Variants in CLOCK observed in about 807,000 individuals in gnomAD.
CLOCK encodes the protein circadian locomoter output cycles protein kaput.
In CLOCK, 43 loss-of-function variants were observed where a neutral mutation model predicts 118.4. The ratio of observed to expected loss-of-function variants is 0.36; its 90% CI spans 0.28 to 0.47. The LOEUF is 0.47. Among genes scored for constraint, CLOCK ranks in the 20% least tolerant of loss-of-function variants. The pLI, the probability that CLOCK is intolerant of heterozygous loss-of-function variation, is 1.00. For missense variants in CLOCK, 846 were observed against 999.9 expected (o/e 0.85, Z 2.08); for synonymous variants, 326 against 339.2 (o/e 0.96, Z 0.43).
intron 2 of CLOCK, among the ~76,000 whole-genome samples, chr4:55,505,151 A>AC (rs1268439100): frequency 2.7e-5 from 3 of 110,122 alleles, no homozygotes; most frequent in African/African-American, 5.8e-5. Flanking sequence ...TGTCCCCCTC[A>AC]CCCCCCCACC....
chr4:55,516,849 T>C (rs1041915518), intron 1 of CLOCK, among the ~76,000 whole-genome samples: 1 of 152,174 alleles, frequency 6.6e-6, no homozygotes, highest in African/African-American at 2.4e-5. Flanking sequence ...TGCTTTTTTG[T>C]TTTACTTTTT....
intron 1 of CLOCK, among the ~76,000 whole-genome samples, chr4:55,517,367 G>A (rs183332921): frequency 1.3e-5 from 2 of 152,066 alleles, no homozygotes; most frequent in East Asian, 1.9e-4. Flanking sequence ...AAAATTAGCC[G>A]GGTGTGGTGG....
chr4:55,513,857 C>A (rs1484102922), intron 1 of CLOCK, among the ~76,000 whole-genome samples: 1 of 151,638 alleles, frequency 6.6e-6, no homozygotes, highest in South Asian at 2.1e-4. Context: ...AGATTTATAC[C>A]TAAGTATTTA....
At chr4:55,456,773 G>T (rs1471681844) in intron 11 of CLOCK, among the ~76,000 whole-genome samples, 3 of 152,090 alleles carry the variant, frequency 2.0e-5, no homozygotes. Context: ...CAACATCCTA[G>T]GCTCAAGCGA....
rs185323095 is a variant in CLOCK at position 55,543,742 on chromosome 4, C to A, written c.-290+3040G>T. Among the ~76,000 whole-genome samples the A allele has an allele frequency of 3.4e-3, 514 of 151,552 alleles. 2 individuals are homozygous for A. Among genetic ancestry groups the A allele is most frequent in the African/African-American group, 0.011 (469 of 41,244 alleles). On this transcript the variant is annotated intron_variant, in intron 1 of 22. Transcript: ENST00000513440. ...GCAGTGAGCCAAGATCGTGCCACTG[C>A]ACTCCGGCCTGGTGACAGAGCAAGA...
In CLOCK at chr4:55,430,039, A is replaced by T. The variant is rs1016287141; in HGVS notation, c.*5376T>A. ...AATACATGACACCGAAATCACTTTG[A>T]TGAGAAAACAGAACACACAGGTATT... On this transcript the variant is annotated 3_prime_UTR_variant, in exon 23 of 23. Coordinates refer to ENST00000513440, the MANE Select transcript of CLOCK (RefSeq NM_004898.4). 1 of 152,246 alleles carries T rather than the reference A, an allele frequency of 6.6e-6. No homozygotes were observed. Among genetic ancestry groups the T allele is most frequent in the African/African-American group, 2.4e-5 (1 of 41,472 alleles). The allele number at this position is 152,246 out of a possible 1,614,324, so 9.4% of individuals were successfully genotyped here.
At chr4:55,510,629 T>TTAA (rs1553901170) in intron 1 of CLOCK, among the ~76,000 whole-genome samples, 23 of 104,286 alleles carry the variant, frequency 2.2e-4, no homozygotes, top group African/African-American at 8.6e-4. Context: ...TCTGTCTTTT[T>TTAA]AAAAAAAAAA....
At chr4:55,535,222 T>C (rs1387286324) in intron 1 of CLOCK, among the ~76,000 whole-genome samples, 3 of 78,608 alleles carry the variant, frequency 3.8e-5, no homozygotes, top group Non-Finnish European at 1.1e-4. Context: ...TTATGGTGAT[T>C]ACAAGAATGT....
intron 18 of CLOCK, among the ~76,000 whole-genome samples, chr4:55,446,242 T>C (rs1246637346): frequency 6.6e-6 from 1 of 151,858 alleles, no homozygotes; most frequent in African/African-American, 2.4e-5. Context: ...TACAGGCATA[T>C]GCCACCATGC....
chr4:55,518,996 C>T (rs987756911), intron 1 of CLOCK, among the ~76,000 whole-genome samples: 2 of 152,144 alleles, frequency 1.3e-5, no homozygotes, highest in Admixed American at 6.5e-5. Flanking sequence ...TCAAAACATT[C>T]TCATACCTGT....
In CLOCK at chr4:55,431,186, T is replaced by A. The variant is rs926398458; in HGVS notation, c.*4229A>T. 6.6e-5 allele frequency: 10 copies of A among 152,116 alleles called. No homozygotes were observed. The highest frequency in any genetic ancestry group is 2.2e-4 in the African/African-American group (9 of 41,430). 9.4% of individuals were successfully genotyped at this position (152,116 alleles called of 1,614,324 possible). On this transcript the variant is annotated 3_prime_UTR_variant, in exon 23 of 23. Coordinates refer to ENST00000513440, the MANE Select transcript of CLOCK (RefSeq NM_004898.4). ...TGTGTGCTATTCCTTCCGTAAAGGATCCCCAGGCATGAGAGTTGGGTCTTC... is the reference window on the plus strand; with the variant it reads ...TGTGTGCTATTCCTTCCGTAAAGGAACCCCAGGCATGAGAGTTGGGTCTTC...
intron 1 of CLOCK, among the ~76,000 whole-genome samples, chr4:55,521,218 A>AT (rs989326344): frequency 5.9e-4 from 90 of 152,092 alleles, no homozygotes; most frequent in Middle Eastern, 3.4e-3. Context: ...TCAAATTTCT[A>AT]TTTTTTTTGT....
chr4:55,515,258 C>T (rs1443571170), intron 1 of CLOCK, among the ~76,000 whole-genome samples: 2 of 152,040 alleles, frequency 1.3e-5, no homozygotes, highest in African/African-American at 2.4e-5. Context: ...GTAATATTAG[C>T]GTATCCTTTT....
chr4:55,491,375 G>GAA (rs56412547), intron 2 of CLOCK, among the ~76,000 whole-genome samples: 4,890 of 141,878 alleles, frequency 0.034, 106 homozygotes, highest in Non-Finnish European at 0.055. Flanking sequence ...CAGTGAATAG[G>GAA]AAAAAAAAAA....
At chr4:55,494,073 G>A (rs952557699) in intron 2 of CLOCK, among the ~76,000 whole-genome samples, 1 of 152,108 alleles carries the variant, frequency 6.6e-6, no homozygotes, top group African/African-American at 2.4e-5. Context: ...CAGAGTATAG[G>A]AGCACCTTAT....
intron 6 of CLOCK, among the ~76,000 whole-genome samples, chr4:55,477,001 G>C (rs1400869963): frequency 2.0e-5 from 3 of 152,026 alleles, no homozygotes; most frequent in Non-Finnish European, 4.4e-5. Flanking sequence ...GGAATATGAA[G>C]AGTAACTAAG....
intron 2 of CLOCK, among the ~76,000 whole-genome samples, chr4:55,494,599 A>T (rs1231622582): frequency 6.6e-6 from 1 of 152,246 alleles, no homozygotes; most frequent in African/African-American, 2.4e-5. Context: ...TGAGGGATAA[A>T]AGACCATACA....
chr4:55,442,896 G>C (rs573577899), intron 20 of CLOCK, among the ~76,000 whole-genome samples: 3 of 152,184 alleles, frequency 2.0e-5, no homozygotes, highest in Admixed American at 2.0e-4. Context: ...TATACTCAAA[G>C]AATTTCTGTT....
At chr4:55,505,223 C>CA (rs1326362803) in intron 2 of CLOCK, among the ~76,000 whole-genome samples, 2 of 149,210 alleles carry the variant, frequency 1.3e-5, no homozygotes, top group Non-Finnish European at 3.0e-5. Flanking sequence ...GATACGCCAC[C>CA]AAACAAAAAA....
Sources: gnomAD v4.1 joint callset for allele counts (sites outside exome capture counted in the v4.1 genomes callset) on GRCh38, gnomAD v4.1.1 for gene constraint, MANE v1.5 for transcripts, NCBI Gene and HGNC (gene_info 2026-07-23, HGNC 2026-07-21) for gene names.